GRIP1: variants seen among roughly 807,000 people sequenced by gnomAD.
The protein encoded by GRIP1 is glutamate receptor interacting protein 1, also known as glutamate receptor-interacting protein 1.
GRIP1 carries 45 observed loss-of-function variants against 129.9 expected under a neutral mutation model. That is an observed-to-expected ratio of 0.35 (90% confidence interval 0.27 to 0.44). GRIP1 has a LOEUF of 0.44. GRIP1 is among the 20% of genes least tolerant of loss of function. The pLI is 1.00. For missense variants in GRIP1, 1,196 were observed against 1,396.8 expected, an observed-to-expected ratio of 0.86 and a Z score of 2.29; for synonymous variants, 530 against 520.8, an observed-to-expected ratio of 1.02 and a Z score of -0.24.
At chr12:66,979,172 C>A (rs1300246401) in intron 1 of GRIP1, among the ~76,000 whole-genome samples, 5 of 137,304 alleles carry the variant, frequency 3.6e-5, no homozygotes, top group Non-Finnish European at 7.6e-5. Flanking sequence ...ATCCCCATGA[C>A]CCCACTTGAG....
intron 2 of GRIP1, among the ~76,000 whole-genome samples, chr12:66,566,309 A>G (rs1220400928): frequency 1.3e-5 from 2 of 152,132 alleles, no homozygotes; most frequent in Non-Finnish European, 2.9e-5. Flanking sequence ...TACCTAATTT[A>G]TTGAGAGTTT....
chr12:66,374,030 T>C (rs2055662880), intron 22 of GRIP1, among the ~76,000 whole-genome samples: 1 of 152,204 alleles, frequency 6.6e-6, no homozygotes, highest in Non-Finnish European at 1.5e-5. Context: ...GGTAGAAAGA[T>C]GCCTAGCATT....
chr12:66,986,107 T>G (rs921375192), intron 1 of GRIP1, among the ~76,000 whole-genome samples: 2 of 152,210 alleles, frequency 1.3e-5, no homozygotes, highest in Non-Finnish European at 2.9e-5. Flanking sequence ...TCCTTCTGAA[T>G]GCACATCACA....
intron 4 of GRIP1, among the ~76,000 whole-genome samples, chr12:66,537,528 A>ATG (rs1334427546): frequency 2.0e-5 from 3 of 151,486 alleles, no homozygotes; most frequent in African/African-American, 7.3e-5. Flanking sequence ...TCATATATAT[A>ATG]TATATATGTA....
At chr12:66,569,878 C>T (rs189582193) in intron 2 of GRIP1, among the ~76,000 whole-genome samples, 7 of 152,218 alleles carry the variant, frequency 4.6e-5, no homozygotes, top group Admixed American at 3.3e-4. Flanking sequence ...AGTACATATT[C>T]CCTCCTCAGG....
At chr12:66,634,420 G>A (rs2031152615) in intron 1 of GRIP1, among the ~76,000 whole-genome samples, 1 of 152,012 alleles carries the variant, frequency 6.6e-6, no homozygotes, top group South Asian at 2.1e-4. Context: ...AGCTTTCTCT[G>A]CAGAGTCATC....
chr12:66,699,074 G>A (rs12228633), intron 1 of GRIP1, among the ~76,000 whole-genome samples: 1 of 151,952 alleles, frequency 6.6e-6, no homozygotes, highest in African/African-American at 2.4e-5. Context: ...CTTCACACTA[G>A]GTTACCACAT....
intron 7 of GRIP1, among the ~76,000 whole-genome samples, chr12:66,476,910 C>T (rs1304727822): frequency 6.6e-6 from 1 of 152,206 alleles, no homozygotes; most frequent in Non-Finnish European, 1.5e-5. Flanking sequence ...GATAAACCCA[C>T]AGCCAATATC....
chr12:66,856,581 T>G (rs1050130876), intron 1 of GRIP1, among the ~76,000 whole-genome samples: 4 of 151,972 alleles, frequency 2.6e-5, no homozygotes, highest in Admixed American at 2.0e-4. Flanking sequence ...CAGACACTTC[T>G]CAAAAGAAGA....
intron 1 of GRIP1, among the ~76,000 whole-genome samples, chr12:66,859,278 AAAAAAC>A (rs1566054591): frequency 2.4e-4 from 3 of 12,538 alleles, no homozygotes; most frequent in Non-Finnish European, 2.8e-4. Context: ...CAAAAAAACA[AAAAAAC>A]AAAAAAACAA....
Position 66,896,503 on chromosome 12 carries a change from T to C in GRIP1, c.58+172547A>G, listed in dbSNP as rs201390005. Among the ~76,000 whole-genome samples, 692 of 97,488 alleles carry C rather than the reference T, an allele frequency of 7.1e-3. 9 individuals carry two copies. The highest frequency in any genetic ancestry group is 0.019 in the African/African-American group (646 of 33,538). 64.0% of individuals were successfully genotyped at this position (97,488 alleles called of 152,430 possible). A position where few individuals can be genotyped will look rare whatever the true frequency, so the allele number is the denominator to read the frequency against. On this transcript the variant is annotated intron_variant, in intron 1 of 1. Transcript: ENST00000643019. ...TTGAAAAAAAAAAAAAAAACTTTGGTGGGCCTGAATGCCCCATTGGATGTA... is the reference window on the plus strand; with the variant it reads ...TTGAAAAAAAAAAAAAAAACTTTGGCGGGCCTGAATGCCCCATTGGATGTA...
intron 1 of GRIP1, among the ~76,000 whole-genome samples, chr12:66,919,545 C>T (rs958752003): frequency 5.3e-5 from 8 of 152,206 alleles, no homozygotes; most frequent in African/African-American, 1.9e-4. Context: ...TTCATCATTA[C>T]ATCATTCTCC....
chr12:66,372,933 G>C (rs1354835973), intron 22 of GRIP1, among the ~76,000 whole-genome samples: 3 of 152,126 alleles, frequency 2.0e-5, no homozygotes, highest in Non-Finnish European at 4.4e-5. Context: ...CAGAAAACAA[G>C]TTCCATTTGC....
intron 1 of GRIP1, among the ~76,000 whole-genome samples, chr12:66,886,984 C>CT (rs1223425639): frequency 6.6e-6 from 1 of 152,166 alleles, no homozygotes. Flanking sequence ...TCCATGTGCC[C>CT]TTTTCACTCT....
At chr12:66,796,400 T>C (rs570291311) in intron 1 of GRIP1, among the ~76,000 whole-genome samples, 1 of 152,082 alleles carries the variant, frequency 6.6e-6, no homozygotes, top group Non-Finnish European at 1.5e-5. Flanking sequence ...GGAAGTACTG[T>C]ATTAGAATGA....
chr12:66,645,030 T>C (rs948650599), intron 1 of GRIP1, among the ~76,000 whole-genome samples: 3 of 152,212 alleles, frequency 2.0e-5, no homozygotes, highest in East Asian at 1.9e-4. Flanking sequence ...GGAATTTATT[T>C]CCCCAATGGC....
chr12:67,005,958 T>C (rs576045741), intron 1 of GRIP1, among the ~76,000 whole-genome samples: 40 of 152,330 alleles, frequency 2.6e-4, no homozygotes, highest in Middle Eastern at 3.4e-3. Flanking sequence ...TCATCTAATC[T>C]GCCCGTTAAA....
intron 1 of GRIP1, among the ~76,000 whole-genome samples, chr12:66,685,485 GT>G (rs543969796): frequency 5.7e-4 from 87 of 152,174 alleles, no homozygotes; most frequent in Non-Finnish European, 5.7e-4. Context: ...ATAGGGAGAG[GT>G]TCTATATTTA....
At chr12:66,355,650 C>A (rs1303491402) in intron 23 of GRIP1, among the ~76,000 whole-genome samples, 1 of 152,102 alleles carries the variant, frequency 6.6e-6, no homozygotes, top group Admixed American at 6.5e-5. Flanking sequence ...GCACCCCTAC[C>A]TTCCAAAGCA....
Sources: gnomAD v4.1 joint callset for allele counts (sites outside exome capture counted in the v4.1 genomes callset) on GRCh38, gnomAD v4.1.1 for gene constraint, MANE v1.5 for transcripts, NCBI Gene and HGNC (gene_info 2026-07-23, HGNC 2026-07-21) for gene names.